Variants in AADAC observed in about 807,000 individuals in gnomAD.
The protein encoded by AADAC is arylacetamide deacetylase (esterase).
AADAC carries 17 observed loss-of-function variants against 22.7 expected under a neutral mutation model. That is an observed-to-expected ratio of 0.75 (90% CI 0.51 to 1.12). The LOEUF (loss-of-function observed/expected upper bound fraction) is 1.12, where lower values mean the gene tolerates loss of function less well. Ranked by LOEUF, AADAC falls within the 50% of genes most tolerant of loss-of-function variation. The pLI, the probability that AADAC is intolerant of heterozygous loss-of-function variation, is 0.00. For synonymous variants in AADAC, 167 were observed against 176.3 expected (o/e 0.95, Z 0.42); for missense variants, 465 against 473.9 (o/e 0.98, Z 0.17).
rs1716347544 is a variant in AADAC at position 151,823,684 on chromosome 3, T to A, written c.432-979T>A. ...CTAGTTTGAGAATAACTTGGTAAAC[T>A]ACTTAGCAAAACTCTTTGACATTAT... On this transcript the variant is annotated intron_variant, in intron 3 of 4. Coordinates refer to ENST00000232892, the MANE Select transcript of AADAC (RefSeq NM_001086.3). Among the ~76,000 whole-genome samples the A allele has an allele frequency of 1.3e-5, 2 of 151,996 alleles. 1 individual carries two copies. The highest frequency in any genetic ancestry group is 4.1e-4 in the South Asian group (2 of 4,826).
At chr3:151,820,684 A>ATTTTTTTTT (rs201359958) in intron 3 of AADAC, among the ~76,000 whole-genome samples, 885 of 86,294 alleles carry the variant, frequency 0.01, 15 homozygotes, top group Non-Finnish European at 0.013. Flanking sequence ...CACCCGGCTA[A>ATTTTTTTTT]TTTTTTTATT....
At chr3:151,814,355 GAA>G in intron 1 of AADAC, 55 bp downstream of exon 1, 1 of 1,509,916 alleles carries the variant, frequency 6.6e-7, no homozygotes, top group Non-Finnish European at 8.9e-7. Context: ...TTGACCCAGA[GAA>G]TTAAGTTTTT....
Position 151,827,815 on chromosome 3 carries a change from T to C in AADAC, c.843T>C (p.Val281=), listed in dbSNP as rs1357840210. ...PVESSHLFKF[V]NWSSLLPERF... ...AATCAAGTCATCTCTTCAAATTTGTTAATTGGAGTTCCCTGCTCCCTGAGA... is the reference window on the plus strand; with the variant it reads ...AATCAAGTCATCTCTTCAAATTTGTCAATTGGAGTTCCCTGCTCCCTGAGA... Residue 281 remains valine, a synonymous_variant, in exon 5 of 5, where the codon GTT becomes GTC. Transcript: ENST00000232892. 6.2e-7 allele frequency: 1 copy of C among 1,613,102 alleles called. No homozygotes were observed. Among genetic ancestry groups the C allele is most frequent in the Non-Finnish European group, 8.5e-7 (1 of 1,179,496 alleles).
At chr3:151,827,519 A>T (rs1716549286) in intron 4 of AADAC, 57 bp from the exon 5 acceptor site, 4 of 972,644 alleles carry the variant, frequency 4.1e-6, no homozygotes, top group Non-Finnish European at 5.9e-6. Flanking sequence ...TAATCTTATT[A>T]GGGATATTTT....
intron 2 of AADAC, 125 bp from the exon 3 acceptor site, chr3:151,820,258 C>A: frequency 1.9e-6 from 1 of 536,000 alleles, no homozygotes; most frequent in Non-Finnish European, 3.2e-6. Context: ...ATTTGTCTCT[C>A]GTATTTTAAG....
In AADAC at chr3:151,814,318, T is replaced by C. The variant is rs762922308; in HGVS notation, c.138+18T>C. The stretch of plus-strand genomic sequence containing the variant: ...AAAATTTGGTAAGTTTGGAATTTTA[T>C]GAATTCAGATGTGCATACACCACCA... On this transcript the variant is annotated intron_variant, in intron 1 of 4. Coordinates refer to ENST00000232892, the MANE Select transcript of AADAC (RefSeq NM_001086.3). 7.5e-6 allele frequency: 12 copies of C among 1,605,270 alleles called. No individual in the cohort carries two copies. The East Asian group carries it at 2.0e-4, about 27-fold the overall frequency.
At chr3:151,815,492 T>C (rs1715945377) in intron 1 of AADAC, among the ~76,000 whole-genome samples, 1 of 152,024 alleles carries the variant, frequency 6.6e-6, no homozygotes, top group South Asian at 2.1e-4. Context: ...TAATTCTGTA[T>C]GTGATGCAGA....
intron 4 of AADAC, among the ~76,000 whole-genome samples, chr3:151,825,790 T>G (rs1716465861): frequency 6.6e-6 from 1 of 152,030 alleles, no homozygotes; most frequent in Admixed American, 6.6e-5. Context: ...ATTGATTGTT[T>G]AAACATCTAA....
rs1005228461 is a variant in AADAC, at chr3:151,824,795, T to C, written c.564T>C (p.Asp188=). Residue 188 remains aspartate (D), a synonymous_variant, in exon 4 of 5, where the codon GAT becomes GAC. Transcript: ENST00000232892. ...VNPERIGISG[D]SAGGNLAAAV... is the part of the protein sequence containing the mutation. ...CTGAGAGAATCGGTATTTCTGGAGA[T>C]AGTGCAGGAGGGAATTTAGCTGCAG... The C allele has an allele frequency of 1.2e-6, 2 of 1,606,048 alleles. No individual in the cohort carries two copies. The highest frequency in any genetic ancestry group is 8.5e-7 in the Non-Finnish European group (1 of 1,176,306).
intron 3 of AADAC, 64 bp downstream of exon 3, chr3:151,820,516 C>CTTTTTTTTTT (rs34039248): frequency 7.7e-5 from 32 of 412,990 alleles, no homozygotes; most frequent in African/African-American, 2.0e-4. Context: ...TCTCAGCTTT[C>CTTTTTTTTTT]TTTTTTTTTT....
chr3:151,825,705 A>AATT (rs1716462474), intron 4 of AADAC, among the ~76,000 whole-genome samples: 1 of 152,098 alleles, frequency 6.6e-6, no homozygotes, highest in East Asian at 1.9e-4. Context: ...TAATAATAAT[A>AATT]ATAACAAATG....
At chr3:151,818,993 A>G (rs891709989) in intron 2 of AADAC, among the ~76,000 whole-genome samples, 2 of 152,048 alleles carry the variant, frequency 1.3e-5, no homozygotes, top group African/African-American at 4.8e-5. Flanking sequence ...CTAAGTTAAG[A>G]ACTCTGAACT....
In AADAC at chr3:151,824,846, A is replaced by C. The variant is rs1465473963; in HGVS notation, c.603+12A>C. The C allele has an allele frequency of 2.0e-6, 3 of 1,524,788 alleles. No homozygotes were observed. The highest frequency in any genetic ancestry group is 2.6e-6 in the Non-Finnish European group (3 of 1,137,670). The allele number at this position is 1,524,788 out of a possible 1,614,324, so 94.5% of individuals were successfully genotyped here. A position where few individuals can be genotyped will look rare whatever the true frequency, so the allele number is the denominator to read the frequency against. ...CAGTGACTCAACAGGTATGTTCATA[A>C]TTTCTATGCTTTTTAAAAATAGCGT... On this transcript the variant is annotated intron_variant, in intron 4 of 4. Coordinates refer to ENST00000232892, the MANE Select transcript of AADAC (RefSeq NM_001086.3).
chr3:151,818,343 G>A (rs1331192670), intron 2 of AADAC, among the ~76,000 whole-genome samples: 1 of 151,946 alleles, frequency 6.6e-6, no homozygotes, highest in Non-Finnish European at 1.5e-5. Context: ...AATACAGTGT[G>A]TTTTAAAGTG....
At chr3:151,815,685 T>C (rs1482101041) in intron 1 of AADAC, among the ~76,000 whole-genome samples, 1 of 152,030 alleles carries the variant, frequency 6.6e-6, no homozygotes, top group African/African-American at 2.4e-5. Context: ...TTCATTTACT[T>C]ACATTCTGTC....
chr3:151,827,928 C>A lies in AADAC; in HGVS notation c.956C>A (p.Ala319Glu), dbSNP rs766695796. The change falls in exon 5 of 5, where the codon GCA becomes GAA. Residue 319 changes from alanine (A) to glutamate (E), a missense_variant. Physicochemically the swap from Ala to Glu is moderately radical, Grantham distance 107. Transcript: ENST00000232892. ...KKYPGFLDVR[A>E]APLLADDNKL... The stretch of plus-strand genomic sequence containing the variant: ...TATCCAGGGTTCCTAGATGTGAGGG[C>A]AGCCCCTTTGTTGGCTGATGACAAC... The A allele has an allele frequency of 1.7e-5, 28 of 1,611,022 alleles. No individual in the cohort carries two copies. Among genetic ancestry groups the A allele is most frequent in the Non-Finnish European group, 2.1e-5 (25 of 1,178,262 alleles).
chr3:151,824,647 T>A lies in AADAC; in HGVS notation c.432-16T>A. 1 of 1,491,540 alleles carries A rather than the reference T, an allele frequency of 6.7e-7. No homozygotes were observed. Among genetic ancestry groups the A allele is most frequent in the Non-Finnish European group, 8.9e-7 (1 of 1,121,142 alleles). 92.4% of individuals were successfully genotyped at this position (1,491,540 alleles called of 1,614,324 possible). A position where few individuals can be genotyped will look rare whatever the true frequency, so the allele number is the denominator to read the frequency against. On this transcript the variant is annotated splice_polypyrimidine_tract_variant and intron_variant, in intron 3 of 4. Transcript: ENST00000232892. ...AACAAACAAAAAAATGTGTAAACTA[T>A]GTTTTCTCTCTACAGCTACAGATTA...
chr3:151,819,689 G>A (rs1276993166), intron 2 of AADAC, among the ~76,000 whole-genome samples: 1 of 151,926 alleles, frequency 6.6e-6, no homozygotes, highest in South Asian at 2.1e-4. Context: ...ACATCCCAGA[G>A]GAAATGAAAG....
At chr3:151,814,329 G>T (rs766277768) in intron 1 of AADAC, 29 bp downstream of exon 1, 1 of 1,596,394 alleles carries the variant, frequency 6.3e-7, no homozygotes, top group Non-Finnish European at 8.5e-7. Context: ...GAATTCAGAT[G>T]TGCATACACC....
Sources: allele counts gnomAD v4.1 joint callset (sites outside exome capture counted in the v4.1 genomes callset), GRCh38; gene constraint gnomAD v4.1.1; transcripts MANE v1.5; gene names NCBI Gene and HGNC (gene_info 2026-07-23, HGNC 2026-07-21).